The following B4GALT4 variants were observed in gnomAD, a reference collection of about 807,000 sequenced individuals.
The protein encoded by B4GALT4 is N-acetyllactosamine synthase.
In B4GALT4, 27 loss-of-function variants were observed where a neutral mutation model predicts 37.3. The observed-to-expected ratio is 0.72, with a 90% CI of 0.53 to 1.00. The LOEUF is 1.00. Ranked by LOEUF, B4GALT4 falls within the 50% of genes least tolerant of loss-of-function variation. The probability of loss-of-function intolerance (pLI) is 0.00; values close to 1 mark genes in which losing one functional copy is unlikely to be tolerated. For synonymous variants in B4GALT4, 148 were observed against 154.1 expected, an observed-to-expected ratio of 0.96 and a Z score of 0.29; for missense variants, 372 against 413.1, an observed-to-expected ratio of 0.90 and a Z score of 0.86.
chr3:119,230,161 T>A lies in B4GALT4; in HGVS notation c.-62A>T. ...TCACTGCAGGCAAGAAAGCTTCAAG[T>A]TGAGCTTTTCCAATCTGATTGCGAA... is the stretch of plus-strand genomic sequence containing the variant. On this transcript the variant is annotated 5_prime_UTR_variant, in exon 3 of 8. Coordinates refer to ENST00000393765, the MANE Select transcript of B4GALT4 (RefSeq NM_003778.4). 1 of 1,585,746 alleles carries A rather than the reference T, an allele frequency of 6.3e-7. No homozygotes were observed. The highest frequency in any genetic ancestry group is 2.2e-5 in the East Asian group (1 of 44,640).
At position 119,211,912 on chromosome 3, in the gene B4GALT4, C is replaced by A; in HGVS notation, c.*637G>T. 2.0e-6 allele frequency: 1 copy of A among 490,092 alleles called. No homozygotes were observed. Among genetic ancestry groups the A allele is most frequent in the Non-Finnish European group, 3.6e-6 (1 of 276,572 alleles). 30.4% of individuals were successfully genotyped at this position (490,092 alleles called of 1,614,324 possible). The stretch of plus-strand genomic sequence containing the variant: ...TGGTGGGCATCACTGGAAGGCATAC[C>A]TGGGCAGGTCCTCCCCTGAAGGCTA... On this transcript the variant is annotated 3_prime_UTR_variant, in exon 8 of 8. Coordinates refer to ENST00000393765, the MANE Select transcript of B4GALT4 (RefSeq NM_003778.4).
rs148499432 is a variant in B4GALT4 at position 119,226,811 on chromosome 3, G to A, written c.484C>T (p.Gln162Ter). The A allele has an allele frequency of 6.2e-7, 1 of 1,612,780 alleles. No individual in the cohort carries two copies. The highest frequency in any genetic ancestry group is 1.3e-5 in the African/African-American group (1 of 74,898). Residue 162 changes from glutamine (Q) to a stop codon, truncating the protein, a stop_gained and splice_region_variant, in exon 4 of 8, where the codon CAG becomes TAG. Transcript: ENST00000393765. LOFTEE classifies it high-confidence loss of function. ...QLDYGIYVIH[Q>*]AEGKKFNRAK... ...CCCTGGTCTGCCCCCACGCTCACCT[G>A]GTGGATGACGTAGATGCCATAATCC...
intron 2 of B4GALT4, 67 bp from the exon 3 acceptor site, chr3:119,230,311 G>A: frequency 1.6e-6 from 1 of 637,316 alleles, no homozygotes; most frequent in Non-Finnish European, 2.6e-6. Flanking sequence ...ATTCACTCCA[G>A]CACAAACTGA....
intron 6 of B4GALT4, among the ~76,000 whole-genome samples, chr3:119,217,730 C>T (rs1247604686): frequency 1.3e-5 from 2 of 150,978 alleles, no homozygotes; most frequent in Non-Finnish European, 2.9e-5. Context: ...GTAGTCCCAG[C>T]TACTCGGGAG....
rs2078765477 is a variant in B4GALT4, at chr3:119,230,273, T to G, written c.-145-29A>C. 14 of 825,670 alleles carry G rather than the reference T, an allele frequency of 1.7e-5. No individual in the cohort carries two copies. In the South Asian group the frequency reaches 2.6e-4, roughly 15 times the overall value. The allele number at this position is 825,670 out of a possible 1,614,324, so 51.1% of individuals were successfully genotyped here. On this transcript the variant is annotated intron_variant, in intron 2 of 7. Coordinates refer to ENST00000393765, the MANE Select transcript of B4GALT4 (RefSeq NM_003778.4). ...AAACGCAATCACAAAAGACACGTTG[T>G]TTCAAATGGAAATTCTATCCTGAAG... is the stretch of plus-strand genomic sequence containing the variant.
At chr3:119,230,750 A>C (rs777943533) in intron 2 of B4GALT4, among the ~76,000 whole-genome samples, 1 of 152,242 alleles carries the variant, frequency 6.6e-6, no homozygotes, top group Admixed American at 6.5e-5. Context: ...AATGAATGCT[A>C]TATTCTCAAA....
intron 6 of B4GALT4, among the ~76,000 whole-genome samples, chr3:119,216,959 T>C (rs965250194): frequency 2.0e-5 from 3 of 152,260 alleles, no homozygotes; most frequent in Non-Finnish European, 2.9e-5. Context: ...ATGTATTATA[T>C]GTATTATATA....
Position 119,212,011 on chromosome 3 carries a change from C to T in B4GALT4, c.*538G>A. 1 of 610,164 alleles carries T rather than the reference C, an allele frequency of 1.6e-6. No individual in the cohort carries two copies. Among genetic ancestry groups the T allele is most frequent in the Non-Finnish European group, 2.9e-6 (1 of 340,442 alleles). The allele number at this position is 610,164 out of a possible 1,614,324, so 37.8% of individuals were successfully genotyped here. Reference sequence around the variant, plus strand: ...CCACCCTCCTGCTACCTCTTCATTCCCAAGTTCACTGTGTCCTGATTCGTC... The same window carrying T: ...CCACCCTCCTGCTACCTCTTCATTCTCAAGTTCACTGTGTCCTGATTCGTC... On this transcript the variant is annotated 3_prime_UTR_variant, in exon 8 of 8. Transcript: ENST00000393765.
At chr3:119,225,972 T>A (rs563665400) in intron 4 of B4GALT4, among the ~76,000 whole-genome samples, 1 of 152,354 alleles carries the variant, frequency 6.6e-6, no homozygotes, top group East Asian at 1.9e-4. Flanking sequence ...CTCTGAGTTG[T>A]CCAAAGTTTT....
Position 119,212,111 on chromosome 3 carries a change from G to C in B4GALT4, c.*438C>G. The C allele has an allele frequency of 1.4e-6, 1 of 702,846 alleles. No homozygotes were observed. Among genetic ancestry groups the C allele is most frequent in the Admixed American group, 2.0e-5 (1 of 49,982 alleles). The allele number at this position is 702,846 out of a possible 1,614,324, so 43.5% of individuals were successfully genotyped here. A position where few individuals can be genotyped will look rare whatever the true frequency, so the allele number is the denominator to read the frequency against. Reference sequence around the variant, plus strand: ...TCACAGATGATTGTACAGGATAAATGAATAACAGTATTGTATCTTCGTACC... The same window carrying C: ...TCACAGATGATTGTACAGGATAAATCAATAACAGTATTGTATCTTCGTACC... On this transcript the variant is annotated 3_prime_UTR_variant, in exon 8 of 8. Coordinates refer to ENST00000393765, the MANE Select transcript of B4GALT4 (RefSeq NM_003778.4).
In B4GALT4 at chr3:119,212,197, T is replaced by C. The variant is rs945723359; in HGVS notation, c.*352A>G. The C allele has an allele frequency of 1.4e-6, 1 of 702,966 alleles. No individual in the cohort carries two copies. The highest frequency in any genetic ancestry group is 2.6e-6 in the Non-Finnish European group (1 of 385,022). The allele number at this position is 702,966 out of a possible 1,614,324, so 43.5% of individuals were successfully genotyped here. On this transcript the variant is annotated 3_prime_UTR_variant, in exon 8 of 8. Transcript: ENST00000393765. ...AGACATTCAGCAGTCTTATTTCCTG[T>C]GGCCTTTTATCCCATAATATATTAC...
Position 119,230,041 on chromosome 3 carries a change from G to C in B4GALT4, c.59C>G (p.Thr20Ser), listed in dbSNP as rs2078758796. 1.2e-6 allele frequency: 2 copies of C among 1,614,062 alleles called. No homozygotes were observed. Among genetic ancestry groups the C allele is most frequent in the South Asian group, 2.2e-5 (2 of 91,092 alleles). The change falls in exon 3 of 8, where the codon ACT becomes AGT. Residue 20 changes from threonine to serine, a missense_variant. Transcript: ENST00000393765. ...SYKFRLLLLLTLCLTVVGWAT... is the reference protein window; with the variant it reads ...SYKFRLLLLLSLCLTVVGWAT... Reference sequence around the variant, plus strand: ...CCACCCAACCACTGTCAGGCACAAAGTCAACAGCAACAGTAATCGGAATTT... The same window carrying C: ...CCACCCAACCACTGTCAGGCACAAACTCAACAGCAACAGTAATCGGAATTT...
At chr3:119,230,356 T>C (rs994336420) in intron 2 of B4GALT4, 112 bp from the exon 3 acceptor site, 2 of 496,874 alleles carry the variant, frequency 4.0e-6, no homozygotes, top group Non-Finnish European at 7.1e-6. Context: ...CTAACCGTAA[T>C]GGTAGGTCTT....
intron 5 of B4GALT4, 39 bp from the exon 6 acceptor site, chr3:119,218,811 G>C (rs761900831): frequency 5.6e-6 from 9 of 1,608,630 alleles, no homozygotes; most frequent in Non-Finnish European, 7.6e-6. Flanking sequence ...AAGAATATTC[G>C]CACCAAAGGT....
intron 7 of B4GALT4, 63 bp downstream of exon 7, chr3:119,216,177 T>C: frequency 1.5e-6 from 2 of 1,308,554 alleles, no homozygotes; most frequent in Non-Finnish European, 2.1e-6. Context: ...GAATTCAACA[T>C]AGTCCTTATT....
In B4GALT4 at chr3:119,224,209, T is replaced by C; in HGVS notation, c.523A>G (p.Asn175Asp). 1 of 1,612,400 alleles carries C rather than the reference T, an allele frequency of 6.2e-7. No individual in the cohort carries two copies. Among genetic ancestry groups the C allele is most frequent in the Non-Finnish European group, 8.5e-7 (1 of 1,179,488 alleles). The change falls in exon 5 of 8, where the codon AAT (asparagine) becomes GAT (aspartate). Residue 175 changes from asparagine (N) to aspartate (D), a missense_variant. By Grantham distance (23) the Asn-to-Asp change is conservative. Coordinates refer to ENST00000393765, the MANE Select transcript of B4GALT4 (RefSeq NM_003778.4). ...TTGAGGGCTTCTAGATAGCCCACATTCAAGAGTTTGGCTCGATTAAACTTT... is the reference window on the plus strand; with the variant it reads ...TTGAGGGCTTCTAGATAGCCCACATCCAAGAGTTTGGCTCGATTAAACTTT... Reference protein sequence around the residue: ...GKKFNRAKLLNVGYLEALKEE... With the variant: ...GKKFNRAKLLDVGYLEALKEE...
At chr3:119,221,776 G>A (rs1276120344) in intron 5 of B4GALT4, among the ~76,000 whole-genome samples, 6 of 152,170 alleles carry the variant, frequency 3.9e-5, no homozygotes. Context: ...TTGGCTCAGA[G>A]CCTCTCGATC....
intron 4 of B4GALT4, among the ~76,000 whole-genome samples, chr3:119,224,836 C>CA (rs2078558895): frequency 6.6e-6 from 1 of 151,424 alleles, no homozygotes; most frequent in Non-Finnish European, 1.5e-5. Context: ...CCACAGTTAA[C>CA]AAAAAAAAAT....
At chr3:119,233,855 C>T (rs1362179732) in intron 2 of B4GALT4, among the ~76,000 whole-genome samples, 2 of 152,190 alleles carry the variant, frequency 1.3e-5, no homozygotes, top group Non-Finnish European at 2.9e-5. Flanking sequence ...AAAAACTGTA[C>T]AGAGAGCCAG....
Sources: gnomAD v4.1 joint callset for allele counts (sites outside exome capture counted in the v4.1 genomes callset) on GRCh38, gnomAD v4.1.1 for gene constraint, MANE v1.5 for transcripts, NCBI Gene and HGNC (gene_info 2026-07-23, HGNC 2026-07-21) for gene names.